The following EEA1 variants were observed in gnomAD, a reference collection of about 807,000 sequenced individuals.
EEA1 encodes early endosome antigen 1, also known as early endosome antigen 1, 162kD.
A neutral mutation model predicts 209.2 loss-of-function variants in EEA1; 111 were observed. The ratio of observed to expected loss-of-function variants is 0.53; its 90% confidence interval spans 0.45 to 0.62. The LOEUF is 0.62. EEA1 is among the 20% of genes least tolerant of loss of function. The pLI is 0.00. For synonymous variants in EEA1, 536 were observed against 540.6 expected (o/e 0.99, Z 0.12); for missense variants, 1,343 against 1,530.8 (o/e 0.88, Z 2.05).
chr12:92,897,485 TA>T lies in EEA1; in HGVS notation c.25-5765del, dbSNP rs530948356. Among the ~76,000 whole-genome samples the T allele has an allele frequency of 1.7e-4, 26 of 152,310 alleles. 1 individual carries two copies. In the South Asian group the frequency reaches 5.4e-3, roughly 32 times the overall value. On this transcript the variant is annotated intron_variant, in intron 1 of 28. Transcript: ENST00000322349. ...CGTGAAGTGGCTAATCAGAAACGTC[TA>T]GGGGGTATTTGGACCCAAGAAGATG...
At chr12:92,874,332 GAAAAAAGA>G (rs1325941587) in intron 2 of EEA1, among the ~76,000 whole-genome samples, 7 of 151,676 alleles carry the variant, frequency 4.6e-5, no homozygotes, top group East Asian at 3.9e-4. Flanking sequence ...AAAAGAAAGA[GAAAAAAGA>G]AAAAAAGAAA....
At chr12:92,830,344 T>A (rs1876570136) in intron 11 of EEA1, among the ~76,000 whole-genome samples, 1 of 152,030 alleles carries the variant, frequency 6.6e-6, no homozygotes, top group South Asian at 2.1e-4. Context: ...CTCAAGCAGG[T>A]CTGGCTGTCT....
At chr12:92,913,886 C>G (rs1880669356) in intron 1 of EEA1, among the ~76,000 whole-genome samples, 1 of 152,142 alleles carries the variant, frequency 6.6e-6, no homozygotes. Flanking sequence ...GTCTTCAACT[C>G]ATGACCTCAG....
chr12:92,823,067 A>G (rs775405703), intron 13 of EEA1, among the ~76,000 whole-genome samples: 28 of 152,186 alleles, frequency 1.8e-4, no homozygotes, highest in Non-Finnish European at 3.8e-4. Flanking sequence ...TGACTTCAAC[A>G]ACTGCTTGAA....
At chr12:92,807,821 ATGT>A (rs1273068258) in intron 18 of EEA1, among the ~76,000 whole-genome samples, 1 of 152,124 alleles carries the variant, frequency 6.6e-6, no homozygotes, top group East Asian at 1.9e-4. Flanking sequence ...AGAAGACTCA[ATGT>A]TGTTAAGATG....
intron 2 of EEA1, among the ~76,000 whole-genome samples, chr12:92,873,109 G>A (rs1878724931): frequency 6.6e-6 from 1 of 152,188 alleles, no homozygotes; most frequent in Non-Finnish European, 1.5e-5. Flanking sequence ...CTCAACCAAT[G>A]CCTGATTATA....
At chr12:92,797,563 TAAGAA>T (rs1445052444) in intron 21 of EEA1, among the ~76,000 whole-genome samples, 13 of 152,260 alleles carry the variant, frequency 8.5e-5, no homozygotes, top group African/African-American at 3.1e-4. Flanking sequence ...AATTTTTAAA[TAAGAA>T]AACATGCTAA....
intron 3 of EEA1, among the ~76,000 whole-genome samples, chr12:92,863,657 C>G (rs1472545222): frequency 6.6e-6 from 1 of 152,176 alleles, no homozygotes; most frequent in Non-Finnish European, 1.5e-5. Flanking sequence ...TTTTAAACCA[C>G]TATGTTCTTT....
intron 1 of EEA1, among the ~76,000 whole-genome samples, chr12:92,897,572 G>A (rs551323505): frequency 7.9e-5 from 12 of 152,292 alleles, no homozygotes; most frequent in Admixed American, 1.3e-4. Flanking sequence ...GTGTACTTTC[G>A]TTTCCAATAA....
rs1875487851 is a variant in EEA1, at chr12:92,811,316, A to G, written c.2162T>C (p.Leu721Ser). The change falls in exon 17 of 29, where the codon TTA (leucine) becomes TCA (serine). Residue 721 changes from leucine to serine, a missense_variant. Leu to Ser is a moderately radical substitution (Grantham distance 145). Around this residue, in one of 3 missense-constraint regions of EEA1, gnomAD observed 1,307 missense variants for 1,465.5 expected, o/e 0.89. Transcript: ENST00000322349. ...TTCTAGCTCTTCGGTTTTCTGTTCT[A>G]AAGAGAGGTATTTCTCTTTATATTC... ...LKEYKEKYLS[L>S]EQKTEELEGQ... 1 of 1,592,198 alleles carries G rather than the reference A, an allele frequency of 6.3e-7. No homozygotes were observed. Among genetic ancestry groups the G allele is most frequent in the African/African-American group, 1.4e-5 (1 of 73,634 alleles).
At chr12:92,913,165 G>A (rs1880639207) in intron 1 of EEA1, among the ~76,000 whole-genome samples, 1 of 152,208 alleles carries the variant, frequency 6.6e-6, no homozygotes, top group Non-Finnish European at 1.5e-5. Context: ...CATCAACAAT[G>A]TATGGGCATT....
intron 2 of EEA1, among the ~76,000 whole-genome samples, chr12:92,883,155 C>G (rs1207473392): frequency 6.6e-6 from 1 of 152,154 alleles, no homozygotes; most frequent in Non-Finnish European, 1.5e-5. Flanking sequence ...TTGCATTTCT[C>G]TGATGATTAG....
At position 92,852,200 on chromosome 12, in the gene EEA1, A is replaced by C. The variant is rs1473060142; in HGVS notation, c.617T>G (p.Val206Gly). 7 of 1,591,078 alleles carry C rather than the reference A, an allele frequency of 4.4e-6. No individual in the cohort carries two copies. The highest frequency in any genetic ancestry group is 5.1e-6 in the Non-Finnish European group (6 of 1,170,106). ...LTEELNKEATVIQDLKTELLQ... is the reference protein window; with the variant it reads ...LTEELNKEATGIQDLKTELLQ... ...CAGTTCCGTCTTCAGATCTTGAATT[A>C]CAGTTGCCTCTTTGTTTAATTCTTC... The change falls in exon 8 of 29, where the codon GTA becomes GGA. Residue 206 changes from valine (V) to glycine (G), a missense_variant. Val to Gly is a moderately radical substitution (Grantham distance 109). Transcript: ENST00000322349.
At position 92,802,488 on chromosome 12, in the gene EEA1, T is replaced by A. The variant is rs1326198665; in HGVS notation, c.2586A>T (p.Leu862=). The change falls in exon 19 of 29, where the codon CTA becomes CTT. Residue 862 remains leucine, a synonymous_variant. Coordinates refer to ENST00000322349, the MANE Select transcript of EEA1 (RefSeq NM_003566.4). The part of the protein sequence containing the change: ...MTELSTVKDK[L]SKVSDSLKNS... ...TTTTCAAAGAATCAGAAACTTTTGA[T>A]AGTTTGTCCTTTACTGTAGAAAGCT... 2 of 1,579,900 alleles carry A rather than the reference T, an allele frequency of 1.3e-6. No individual in the cohort carries two copies. The highest frequency in any genetic ancestry group is 1.7e-6 in the Non-Finnish European group (2 of 1,171,120).
intron 21 of EEA1, among the ~76,000 whole-genome samples, chr12:92,788,910 C>T (rs1358408950): frequency 6.6e-6 from 1 of 152,172 alleles, no homozygotes; most frequent in Non-Finnish European, 1.5e-5. Flanking sequence ...TTTACTAGCT[C>T]CTTTTCCTCT....
chr12:92,869,763 A>C (rs2136729110), intron 2 of EEA1, among the ~76,000 whole-genome samples: 1 of 132,454 alleles, frequency 7.5e-6, no homozygotes, highest in East Asian at 2.6e-4. Flanking sequence ...AAAAAAAAAA[A>C]AAAAAAAAAA....
intron 3 of EEA1, chr12:92,859,079 C>T (rs1484396368): frequency 2.5e-6 from 2 of 806,516 alleles, no homozygotes; most frequent in African/African-American, 1.7e-5. Context: ...TTATCTATCT[C>T]TGTTTTCCAT....
intron 3 of EEA1, chr12:92,857,932 A>G (rs1877955965): frequency 4.6e-6 from 1 of 217,638 alleles, no homozygotes. Flanking sequence ...ATACTGAGAA[A>G]AAGCCCTGGT....
chr12:92,858,410 G>A (rs981288078), intron 3 of EEA1: 27 of 1,209,294 alleles, frequency 2.2e-5, no homozygotes, highest in Admixed American at 3.4e-5. Context: ...TGGTAGCCTT[G>A]GAGCAACAGT....
Sources: gnomAD v4.1 joint callset for allele counts (sites outside exome capture counted in the v4.1 genomes callset) on GRCh38, gnomAD v4.1.1 for gene constraint, gnomAD v4.1.1 regional missense constraint, MANE v1.5 for transcripts, NCBI Gene and HGNC (gene_info 2026-07-23, HGNC 2026-07-21) for gene names.